NEK5: variants seen among roughly 807,000 people sequenced by gnomAD.
NEK5 encodes the protein serine/threonine-protein kinase Nek5.
Under a neutral mutation model 109.2 loss-of-function variants are expected in NEK5, and 88 were observed. That is an observed-to-expected ratio of 0.81 (90% CI 0.68 to 0.96). The LOEUF is 0.96. Ranked by LOEUF, NEK5 falls within the 40% of genes least tolerant of loss-of-function variation. The pLI is 0.00. For synonymous variants in NEK5, 283 were observed against 299.9 expected (o/e 0.94, Z 0.58); for missense variants, 834 against 920.7 (o/e 0.91, Z 1.22).
At chr13:52,120,960 T>C (rs1262259492) in intron 3 of NEK5, among the ~76,000 whole-genome samples, 4 of 150,808 alleles carry the variant, frequency 2.7e-5, no homozygotes, top group African/African-American at 9.7e-5. Context: ...TAATATAGTA[T>C]TCCATGTATG....
chr13:52,051,827 C>T (rs928826954), intron 22 of NEK5, among the ~76,000 whole-genome samples: 3 of 152,202 alleles, frequency 2.0e-5, no homozygotes, highest in African/African-American at 4.8e-5. Context: ...TCCTTGTAGG[C>T]CTCAGGATCT....
At chr13:52,084,121 G>T (rs1955069294) in intron 16 of NEK5, among the ~76,000 whole-genome samples, 2 of 152,136 alleles carry the variant, frequency 1.3e-5, no homozygotes, top group African/African-American at 4.8e-5. Flanking sequence ...GCTCATCTTG[G>T]CTCCTGTGCA....
intron 20 of NEK5, among the ~76,000 whole-genome samples, chr13:52,069,112 G>T: frequency 6.6e-6 from 1 of 152,076 alleles, no homozygotes; most frequent in Non-Finnish European, 1.5e-5. Context: ...TACTACTGAT[G>T]AAGGTTTTTT....
At chr13:52,084,764 T>TGTGTGA (rs1955102251) in intron 16 of NEK5, among the ~76,000 whole-genome samples, 1 of 37,042 alleles carries the variant, frequency 2.7e-5, no homozygotes, top group African/African-American at 1.1e-4. Flanking sequence ...AGAGAGAGAG[T>TGTGTGA]GTGTGTGTGT....
At chr13:52,110,259 T>G (rs1273838168) in intron 7 of NEK5, 81 bp downstream of exon 7, 5 of 900,646 alleles carry the variant, frequency 5.6e-6, no homozygotes, top group Non-Finnish European at 9.0e-6. Context: ...AAGATTTTAA[T>G]ATCTTCTTAA....
rs551441361 is a variant in NEK5, at chr13:52,044,402, C to T, written c.2228+5702G>A. On this transcript the variant is annotated intron_variant, in intron 23 of 23. Transcript: ENST00000684899. ...AACTTAGGTTCACATACAGAATATA[C>T]ACAAATATTCATAGCCAAATGAAAA... is the stretch of plus-strand genomic sequence containing the variant. Among the ~76,000 whole-genome samples, 3 of 152,232 alleles carry T rather than the reference C, an allele frequency of 2.0e-5. No homozygotes were observed. In the South Asian group the frequency reaches 6.2e-4, roughly 32 times the overall value.
chr13:52,083,488 G>C (rs1955057134), intron 16 of NEK5, 136 bp from the exon 17 acceptor site: 3 of 605,734 alleles, frequency 5.0e-6, no homozygotes, highest in East Asian at 2.9e-5. Context: ...CACAGCTTCA[G>C]TATTTCCCAA....
chr13:52,050,694 T>C (rs542206973), intron 22 of NEK5, among the ~76,000 whole-genome samples: 1 of 150,172 alleles, frequency 6.7e-6, no homozygotes, highest in South Asian at 2.1e-4. Flanking sequence ...AGATTGAAGA[T>C]AGCACAATAT....
chr13:52,051,026 C>T (rs1364323155), intron 22 of NEK5, among the ~76,000 whole-genome samples: 2 of 147,754 alleles, frequency 1.4e-5, no homozygotes, highest in Admixed American at 6.8e-5. Context: ...CCCTAGTGTT[C>T]GTTTTTTAAT....
Position 52,038,825 on chromosome 13 carries a change from G to GAAAAAAA in NEK5, c.2229-1614_2229-1608dup, listed in dbSNP as rs1183060212. Among the ~76,000 whole-genome samples the GAAAAAAA allele has an allele frequency of 1.6e-4, 15 of 94,554 alleles. 2 individuals are homozygous for GAAAAAAA. The highest frequency in any genetic ancestry group is 2.4e-4 in the Admixed American group (2 of 8,238). 62.0% of individuals were successfully genotyped at this position (94,554 alleles called of 152,430 possible). On this transcript the variant is annotated intron_variant, in intron 23 of 23. Transcript: ENST00000684899. ...AGGCATCAGAGCAAGACACTCATCT[G>GAAAAAAA]AAAAAAAAAAAAAAAAAAAAGTGGT...
intron 12 of NEK5, among the ~76,000 whole-genome samples, chr13:52,094,071 C>T (rs1955352831): frequency 6.6e-6 from 1 of 152,144 alleles, no homozygotes; most frequent in Non-Finnish European, 1.5e-5. Flanking sequence ...CATATAACAG[C>T]CATGATGGGC....
At chr13:52,087,256 T>C (rs947323699) in intron 15 of NEK5, 82 bp downstream of exon 15, 8 of 704,936 alleles carry the variant, frequency 1.1e-5, no homozygotes, top group East Asian at 2.5e-5. Flanking sequence ...CTGTAGGAAA[T>C]AGAAGTAACT....
chr13:52,046,313 CAA>C (rs749444747), intron 23 of NEK5, among the ~76,000 whole-genome samples: 10 of 97,138 alleles, frequency 1.0e-4, no homozygotes, highest in African/African-American at 1.2e-4. Flanking sequence ...CCTGTCTCTA[CAA>C]AAAAAAAAAA....
Position 52,034,432 on chromosome 13 carries a change from C to CTAT in NEK5, c.*2513_*2515dup, listed in dbSNP as rs1007583317. 3 of 150,414 alleles carry CTAT rather than the reference C, an allele frequency of 2.0e-5. No individual in the cohort carries two copies. The highest frequency in any genetic ancestry group is 3.0e-5 in the Non-Finnish European group (2 of 67,792). 9.3% of individuals were successfully genotyped at this position (150,414 alleles called of 1,614,324 possible). A position where few individuals can be genotyped will look rare whatever the true frequency, so the allele number is the denominator to read the frequency against. ...AAAATTGTTGAGTAAAGCTTGGTGA[C>CTAT]TATTACCTAAAATAGACTAGACTTT... On this transcript the variant is annotated 3_prime_UTR_variant, in exon 24 of 24. Coordinates refer to ENST00000684899, the MANE Select transcript of NEK5 (RefSeq NM_001365552.1).
Position 52,087,419 on chromosome 13 carries a change from G to A in NEK5, c.1311C>T (p.Asn437=), listed in dbSNP as rs748364534. 6.2e-6 allele frequency: 10 copies of A among 1,609,964 alleles called. No homozygotes were observed. The Admixed American group carries it at 6.7e-5, about 11-fold the overall frequency. ...LRPSSAEPNY[N]QRQELRSNGE... is the part of the protein sequence containing the mutation. ...CATTACTTCTTAGCTCTTGTCTCTG[G>A]TTGTAATTTGGCTCGGCAGAAGATG... Residue 437 remains asparagine, a synonymous_variant, in exon 15 of 24, where the codon AAC becomes AAT. Transcript: ENST00000684899.
intron 16 of NEK5, 40 bp from the exon 17 acceptor site, chr13:52,083,392 G>C: frequency 7.7e-7 from 1 of 1,303,266 alleles, no homozygotes; most frequent in Non-Finnish European, 1.1e-6. Flanking sequence ...GATTGGTTCT[G>C]AGTGAGCTCT....
intron 3 of NEK5, among the ~76,000 whole-genome samples, chr13:52,119,732 C>T (rs9526837): frequency 0.42 from 63,477 of 151,892 alleles, 15,219 homozygotes; most frequent in Non-Finnish European, 0.54. Context: ...CTTTCAGTAG[C>T]GAAGGAATTC....
intron 3 of NEK5, among the ~76,000 whole-genome samples, chr13:52,125,882 T>A (rs1291302154): frequency 6.6e-6 from 1 of 152,164 alleles, no homozygotes; most frequent in Non-Finnish European, 1.5e-5. Context: ...ATTATGAATA[T>A]GCCATGGATT....
At chr13:52,066,855 A>T (rs1451241302) in intron 20 of NEK5, among the ~76,000 whole-genome samples, 3 of 151,996 alleles carry the variant, frequency 2.0e-5, no homozygotes, top group Non-Finnish European at 4.4e-5. Context: ...CTAATGTATA[A>T]CTTTTTACAT....
Sources: gnomAD v4.1 joint callset for allele counts (sites outside exome capture counted in the v4.1 genomes callset) on GRCh38, gnomAD v4.1.1 for gene constraint, MANE v1.5 for transcripts, NCBI Gene and HGNC (gene_info 2026-07-23, HGNC 2026-07-21) for gene names.